KCNE3: variants seen among roughly 807,000 people sequenced by gnomAD.
KCNE3 encodes the protein potassium voltage-gated channel subfamily E member 3.
A neutral mutation model predicts 4.3 loss-of-function variants in KCNE3; 2 were observed. That is an observed-to-expected ratio of 0.47 (90% CI 0.19 to 1.48). The LOEUF (loss-of-function observed/expected upper bound fraction) is 1.48. Among genes scored for constraint, KCNE3 ranks in the 40% most tolerant of loss-of-function variants. The pLI is 0.25. For missense variants in KCNE3, 128 were observed against 136.8 expected (o/e 0.94, Z 0.32); for synonymous variants, 47 against 52.0 (o/e 0.90, Z 0.41).
In KCNE3 at chr11:74,455,273, C is replaced by G. The variant is rs953134480; in HGVS notation, c.*1979G>C. 5.3e-5 allele frequency: 8 copies of G among 152,294 alleles called. No individual in the cohort carries two copies. In the East Asian group the frequency reaches 1.5e-3, roughly 29 times the overall value. 9.4% of individuals were successfully genotyped at this position (152,294 alleles called of 1,614,324 possible). On this transcript the variant is annotated 3_prime_UTR_variant, in exon 3 of 3. Transcript: ENST00000310128. ...CAGAGTTCTGCTATACACAAATACGCATGTTTCAATGGGTACTTCCAGGGA... is the reference window on the plus strand; with the variant it reads ...CAGAGTTCTGCTATACACAAATACGGATGTTTCAATGGGTACTTCCAGGGA...
chr11:74,459,897 T>C (rs1240057877), intron 2 of KCNE3, among the ~76,000 whole-genome samples: 1 of 152,182 alleles, frequency 6.6e-6, no homozygotes, highest in African/African-American at 2.4e-5. Context: ...TCCCTTTTTC[T>C]AGATTGGCTG....
chr11:74,456,017 A>G lies in KCNE3; in HGVS notation c.*1235T>C, dbSNP rs950010107. The G allele has an allele frequency of 1.8e-4, 27 of 151,564 alleles. No homozygotes were observed. Among genetic ancestry groups the G allele is most frequent in the African/African-American group, 6.0e-4 (25 of 41,442 alleles). 9.4% of individuals were successfully genotyped at this position (151,564 alleles called of 1,614,324 possible). A position where few individuals can be genotyped will look rare whatever the true frequency, so the allele number is the denominator to read the frequency against. On this transcript the variant is annotated 3_prime_UTR_variant, in exon 3 of 3. Transcript: ENST00000310128. ...CTTTTAGAAGCAGATTCAACATGAC[A>G]TCAGAAAACTTCTCTCAGATAGTCG...
In KCNE3 at chr11:74,455,511, G is replaced by A. The variant is rs1335498952; in HGVS notation, c.*1741C>T. ...ACTTAATGTATATGAAGCCTAGAAT[G>A]TCAGAACTGATAGAGCCTTAGAGAC... On this transcript the variant is annotated 3_prime_UTR_variant, in exon 3 of 3. Transcript: ENST00000310128. 6.6e-6 allele frequency: 1 copy of A among 152,170 alleles called. No individual in the cohort carries two copies. The highest frequency in any genetic ancestry group is 1.9e-4 in the East Asian group (1 of 5,200). 9.4% of individuals were successfully genotyped at this position (152,170 alleles called of 1,614,324 possible).
chr11:74,456,540 C>G lies in KCNE3; in HGVS notation c.*712G>C, dbSNP rs906085047. On this transcript the variant is annotated 3_prime_UTR_variant, in exon 3 of 3. Coordinates refer to ENST00000310128, the MANE Select transcript of KCNE3 (RefSeq NM_005472.5). ...ACTCACATGAGCTCCTTCTTAAGGT[C>G]CTAGCAGGGGCCCTAGCAACATATT... is the stretch of plus-strand genomic sequence containing the variant. 1 of 152,370 alleles carries G rather than the reference C, an allele frequency of 6.6e-6. No individual in the cohort carries two copies. The highest frequency in any genetic ancestry group is 1.5e-5 in the Non-Finnish European group (1 of 68,284). 9.4% of individuals were successfully genotyped at this position (152,370 alleles called of 1,614,324 possible).
chr11:74,461,741 C>CT (rs939006455), intron 2 of KCNE3, among the ~76,000 whole-genome samples: 8 of 150,012 alleles, frequency 5.3e-5, no homozygotes, highest in African/African-American at 1.2e-4. Flanking sequence ...GGATTAAAAA[C>CT]TTTTTTTTTA....
At position 74,455,726 on chromosome 11, in the gene KCNE3, TTTTGTTTTTG is replaced by T. The variant is rs1173429094; in HGVS notation, c.*1516_*1525del. The T allele has an allele frequency of 4.0e-5, 5 of 126,062 alleles. No homozygotes were observed. Among genetic ancestry groups the T allele is most frequent in the Admixed American group, 7.1e-5 (1 of 14,164 alleles). The allele number at this position is 126,062 out of a possible 1,614,324, so 7.8% of individuals were successfully genotyped here. ...TAGGTGCGATATCAGTCTTTTTTGT[TTTTGTTTTTG>T]TTTTTTTTTGAGACAGAGCCTTGCT... is the stretch of plus-strand genomic sequence containing the variant. On this transcript the variant is annotated 3_prime_UTR_variant, in exon 3 of 3. Transcript: ENST00000310128.
At chr11:74,457,678 A>C in intron 2 of KCNE3, 75 bp from the exon 3 acceptor site, 1 of 958,028 alleles carries the variant, frequency 1.0e-6, no homozygotes, top group East Asian at 2.4e-5. Context: ...TTCAGATCCC[A>C]GGTAAAATCT....
chr11:74,457,752 C>T, intron 2 of KCNE3, 149 bp from the exon 3 acceptor site: 1 of 653,652 alleles, frequency 1.5e-6, no homozygotes. Flanking sequence ...ATCATAGCTC[C>T]CATAATCCCC....
intron 2 of KCNE3, among the ~76,000 whole-genome samples, chr11:74,460,869 G>T (rs1432773089): frequency 6.6e-6 from 1 of 152,208 alleles, no homozygotes; most frequent in Non-Finnish European, 1.5e-5. Context: ...TGGAATTGAG[G>T]CAGTGAGCCC....
Position 74,455,481 on chromosome 11 carries a change from G to A in KCNE3, c.*1771C>T, listed in dbSNP as rs1863788711. ...CCTACAAACACAGTGATTACATATG[G>A]CTCAACTTAATGTATATGAAGCCTA... On this transcript the variant is annotated 3_prime_UTR_variant, in exon 3 of 3. Transcript: ENST00000310128. The A allele has an allele frequency of 6.6e-6, 1 of 152,154 alleles. No homozygotes were observed. Among genetic ancestry groups the A allele is most frequent in the African/African-American group, 2.4e-5 (1 of 41,430 alleles). 9.4% of individuals were successfully genotyped at this position (152,154 alleles called of 1,614,324 possible). A position where few individuals can be genotyped will look rare whatever the true frequency, so the allele number is the denominator to read the frequency against.
chr11:74,461,238 T>TG (rs1863945251), intron 2 of KCNE3, among the ~76,000 whole-genome samples: 1 of 152,124 alleles, frequency 6.6e-6, no homozygotes, highest in African/African-American at 2.4e-5. Flanking sequence ...GTGAATCTAG[T>TG]TAACACTACT....
rs142097176 is a variant in KCNE3 at position 74,459,330 on chromosome 11, C to T, written c.-40-1727G>A. On this transcript the variant is annotated intron_variant, in intron 2 of 2. Transcript: ENST00000310128. ...AGGCTGCAGTGCAGTGGCGCAATCTCGGCTCACTGCAAGTTCCGCCTCCTG... is the reference window on the plus strand; with the variant it reads ...AGGCTGCAGTGCAGTGGCGCAATCTTGGCTCACTGCAAGTTCCGCCTCCTG... 1.3e-3 allele frequency among the ~76,000 whole-genome samples: 186 copies of T among 140,154 alleles called. 3 individuals are homozygous for T. Among genetic ancestry groups the T allele is most frequent in the African/African-American group, 4.3e-3 (167 of 38,630 alleles). The allele number at this position is 140,154 out of a possible 152,430, so 91.9% of individuals were successfully genotyped here.
In KCNE3 at chr11:74,467,080, CTG is replaced by C. The variant is rs2044479473; in HGVS notation, c.-190+316_-190+317del. The stretch of plus-strand genomic sequence containing the variant: ...CAGCTGCAAGTGTTCGCTTGCACGT[CTG>C]TGGGTGTGGAGGAACTTTTCTTGTG... On this transcript the variant is annotated intron_variant, in intron 1 of 2. Coordinates refer to ENST00000310128, the MANE Select transcript of KCNE3 (RefSeq NM_005472.5). The surrounding 1 kb of genome is among the most constrained non-coding windows in gnomAD (Gnocchi z 4.4). Among the ~76,000 whole-genome samples the C allele has an allele frequency of 6.6e-6, 1 of 152,202 alleles. No homozygotes were observed. Among genetic ancestry groups the C allele is most frequent in the Non-Finnish European group, 1.5e-5 (1 of 68,036 alleles).
At chr11:74,458,164 T>C (rs1025329109) in intron 2 of KCNE3, among the ~76,000 whole-genome samples, 1 of 152,254 alleles carries the variant, frequency 6.6e-6, no homozygotes, top group African/African-American at 2.4e-5. Flanking sequence ...CACTGCTATA[T>C]GCAATCACTT....
chr11:74,463,935 T>C (rs1864007870), intron 1 of KCNE3, among the ~76,000 whole-genome samples: 1 of 152,206 alleles, frequency 6.6e-6, no homozygotes, highest in Non-Finnish European at 1.5e-5. Flanking sequence ...GGCCTTTTCA[T>C]GCACCACAGA....
At chr11:74,464,015 C>T (rs1485479038) in intron 1 of KCNE3, among the ~76,000 whole-genome samples, 2 of 152,144 alleles carry the variant, frequency 1.3e-5, no homozygotes, top group Non-Finnish European at 1.5e-5. Context: ...AGTTAGACTT[C>T]GTTTATGCTC....
In KCNE3 at chr11:74,456,605, A is replaced by C; in HGVS notation, c.*647T>G. 6.5e-6 allele frequency: 1 copy of C among 152,928 alleles called. No homozygotes were observed. The highest frequency in any genetic ancestry group is 6.5e-5 in the Admixed American group (1 of 15,384). The allele number at this position is 152,928 out of a possible 1,614,324, so 9.5% of individuals were successfully genotyped here. A position where few individuals can be genotyped will look rare whatever the true frequency, so the allele number is the denominator to read the frequency against. On this transcript the variant is annotated 3_prime_UTR_variant, in exon 3 of 3. Transcript: ENST00000310128. The stretch of plus-strand genomic sequence containing the variant: ...TTTTCATAATGTTTGCAAAAGTAAG[A>C]TATTTTAGAATTCTTTTTCTTAAAG...
At chr11:74,459,605 T>C (rs1232711733) in intron 2 of KCNE3, among the ~76,000 whole-genome samples, 1 of 152,044 alleles carries the variant, frequency 6.6e-6, no homozygotes, top group Non-Finnish European at 1.5e-5. Flanking sequence ...CCATATGTAA[T>C]TCCCTATAAA....
chr11:74,460,560 A>G (rs973771272), intron 2 of KCNE3, among the ~76,000 whole-genome samples: 7 of 152,234 alleles, frequency 4.6e-5, no homozygotes, highest in Admixed American at 3.9e-4. Flanking sequence ...AGGGTTTTTA[A>G]GAGGCAGAAA....
Sources: gnomAD v4.1 joint callset for allele counts (sites outside exome capture counted in the v4.1 genomes callset) on GRCh38, gnomAD v4.1.1 for gene constraint, Gnocchi (gnomAD v3.1) non-coding constraint, MANE v1.5 for transcripts, NCBI Gene and HGNC (gene_info 2026-07-23, HGNC 2026-07-21) for gene names.